Variants in ASTN1 observed in about 807,000 individuals in gnomAD.
ASTN1 encodes astrotactin-1.
In ASTN1, 41 loss-of-function variants were observed where a neutral mutation model predicts 140.7. The ratio of observed to expected loss-of-function variants is 0.29; its 90% CI spans 0.23 to 0.38. The LOEUF (loss-of-function observed/expected upper bound fraction) is 0.38, where lower values mean the gene tolerates loss of function less well. Ranked by LOEUF, ASTN1 falls within the 10% of genes least tolerant of loss-of-function variation. The pLI is 1.00. For missense variants in ASTN1, 1,479 were observed against 1,678.8 expected (o/e 0.88, Z 2.08); for synonymous variants, 640 against 652.2 (o/e 0.98, Z 0.29).
chr1:176,951,378 A>ACC (rs1245380326), intron 11 of ASTN1, among the ~76,000 whole-genome samples: 1 of 152,220 alleles, frequency 6.6e-6, no homozygotes, highest in African/African-American at 2.4e-5. Flanking sequence ...CAGGATAGAA[A>ACC]CCTGGAAGAC....
intron 18 of ASTN1, among the ~76,000 whole-genome samples, 176 bp from the exon 19 acceptor site, chr1:176,884,666 T>C (rs1359516382): frequency 6.6e-6 from 1 of 152,246 alleles, no homozygotes; most frequent in Non-Finnish European, 1.5e-5. Flanking sequence ...TCTTGAGATC[T>C]ATGTTTTATG....
chr1:177,030,686 G>T, intron 4 of ASTN1, 120 bp downstream of exon 4: 1 of 1,352,740 alleles, frequency 7.4e-7, no homozygotes, highest in Non-Finnish European at 1.0e-6. Context: ...CTCCAGAAAG[G>T]CTGTGCCAGG....
chr1:177,040,523 C>T (rs1676924137), intron 2 of ASTN1, among the ~76,000 whole-genome samples: 1 of 152,100 alleles, frequency 6.6e-6, no homozygotes, highest in Non-Finnish European at 1.5e-5. Flanking sequence ...AATAAAATGC[C>T]ATTGGTGGGT....
At chr1:177,079,364 C>T (rs890948851) in intron 1 of ASTN1, among the ~76,000 whole-genome samples, 8 of 152,094 alleles carry the variant, frequency 5.3e-5, no homozygotes, top group Non-Finnish European at 7.4e-5. Flanking sequence ...TGGGACCAAG[C>T]GGGGTCTCTT....
At chr1:177,028,240 G>A (rs1033579198) in intron 5 of ASTN1, among the ~76,000 whole-genome samples, 1 of 152,170 alleles carries the variant, frequency 6.6e-6, no homozygotes, top group Non-Finnish European at 1.5e-5. Context: ...GACACACCCT[G>A]CTTTGATTAG....
rs553437951 is a variant in ASTN1 at position 176,867,893 on chromosome 1, G to A, written c.3647+951C>T. On this transcript the variant is annotated intron_variant, in intron 22 of 22. Transcript: ENST00000361833. ...GTGAAAGAATTCTTTAAGGGACAGA[G>A]GATTCTATAGTGTTGATTTTCTTCA... 4.6e-5 allele frequency among the ~76,000 whole-genome samples: 7 copies of A among 152,062 alleles called. No homozygotes were observed. In the East Asian group the frequency reaches 9.7e-4, roughly 21 times the overall value.
chr1:176,897,885 A>C (rs1330876108), intron 16 of ASTN1, among the ~76,000 whole-genome samples: 1 of 152,088 alleles, frequency 6.6e-6, no homozygotes, highest in African/African-American at 2.4e-5. Context: ...TCGCACCTTA[A>C]ATCCCCAAAT....
At chr1:176,942,357 C>G (rs953770901) in intron 14 of ASTN1, among the ~76,000 whole-genome samples, 2 of 152,158 alleles carry the variant, frequency 1.3e-5, no homozygotes, top group African/African-American at 4.8e-5. Flanking sequence ...TGCTGCCAGG[C>G]TCCAGAGCTG....
intron 8 of ASTN1, 77 bp downstream of exon 8, chr1:177,014,714 T>C: frequency 2.9e-6 from 4 of 1,355,976 alleles, no homozygotes; most frequent in Admixed American, 1.7e-5. Flanking sequence ...TTCCTCTCCA[T>C]GCAGTTGCTC....
intron 16 of ASTN1, among the ~76,000 whole-genome samples, chr1:176,909,070 C>T (rs1670116609): frequency 1.3e-5 from 2 of 152,182 alleles, no homozygotes; most frequent in South Asian, 4.1e-4. Context: ...GTCTCCACCA[C>T]TTGCCCCCCA....
chr1:176,884,462 T>G lies in ASTN1; in HGVS notation c.3103A>C (p.Ser1035Arg), dbSNP rs752600572. 1 of 1,613,768 alleles carries G rather than the reference T, an allele frequency of 6.2e-7. No individual in the cohort carries two copies. Among genetic ancestry groups the G allele is most frequent in the Admixed American group, 1.7e-5 (1 of 60,026 alleles). ...CACTCCAGGACCACAAGAGTGCTGCTGGGCTCGTGAACCGTGGAGAGTCTC... is the reference window on the plus strand; with the variant it reads ...CACTCCAGGACCACAAGAGTGCTGCGGGGCTCGTGAACCGTGGAGAGTCTC... ...VLRLSTVHEP[S>R]STLVVLEWEH... Residue 1035 changes from serine (S) to arginine (R), a missense_variant, in exon 19 of 23, where the codon AGC becomes CGC. This residue lies in a region of ASTN1 where 746 missense variants were observed against 800.9 expected (regional missense o/e 0.93). Transcript: ENST00000361833.
At chr1:176,947,536 A>G (rs926921061) in intron 12 of ASTN1, among the ~76,000 whole-genome samples, 4 of 152,236 alleles carry the variant, frequency 2.6e-5, no homozygotes, top group African/African-American at 9.6e-5. Context: ...TTGAAACAGG[A>G]AAGAAATCCA....
intron 5 of ASTN1, 110 bp from the exon 6 acceptor site, chr1:177,024,842 C>T (rs1676027937): frequency 1.6e-6 from 2 of 1,245,912 alleles, no homozygotes; most frequent in African/African-American, 1.5e-5. Context: ...GTTGGCAAAA[C>T]TAGCCCATGG....
At chr1:177,004,386 C>T (rs1674891843) in intron 8 of ASTN1, among the ~76,000 whole-genome samples, 1 of 152,130 alleles carries the variant, frequency 6.6e-6, no homozygotes, top group African/African-American at 2.4e-5. Context: ...ATGAAAATGA[C>T]CATACTGCCC....
At chr1:176,997,490 C>A (rs528171207) in intron 8 of ASTN1, among the ~76,000 whole-genome samples, 1 of 151,972 alleles carries the variant, frequency 6.6e-6, no homozygotes, top group South Asian at 2.1e-4. Flanking sequence ...CAGAGGATAT[C>A]CTCAGAGGAG....
chr1:177,104,415 G>GA (rs1056137582), intron 1 of ASTN1, among the ~76,000 whole-genome samples: 3 of 151,234 alleles, frequency 2.0e-5, no homozygotes, highest in African/African-American at 4.8e-5. Flanking sequence ...ACTGCAAAAA[G>GA]AAAAAAAAGT....
intron 1 of ASTN1, among the ~76,000 whole-genome samples, chr1:177,149,459 A>T (rs1210455260): frequency 3.6e-5 from 2 of 55,180 alleles, no homozygotes; most frequent in African/African-American, 1.7e-4. Context: ...ATATATAGTA[A>T]ATATATATAT....
chr1:177,044,969 A>C (rs1223733534), intron 2 of ASTN1, among the ~76,000 whole-genome samples: 1 of 152,174 alleles, frequency 6.6e-6, no homozygotes, highest in East Asian at 1.9e-4. Context: ...AGGGAGAGGA[A>C]AAGGGAGAAA....
intron 16 of ASTN1, among the ~76,000 whole-genome samples, chr1:176,896,367 G>T (rs887349329): frequency 1.3e-5 from 2 of 152,024 alleles, no homozygotes; most frequent in Non-Finnish European, 2.9e-5. Flanking sequence ...TAAGAATGAC[G>T]GCTTCAAATA....
Sources: allele counts gnomAD v4.1 joint callset (sites outside exome capture counted in the v4.1 genomes callset), GRCh38; gene constraint gnomAD v4.1.1; regional missense constraint gnomAD v4.1.1; transcripts MANE v1.5; gene names NCBI Gene and HGNC (gene_info 2026-07-23, HGNC 2026-07-21).